Variants in RIMKLA observed in about 807,000 individuals in gnomAD.
RIMKLA encodes the protein ribosomal modification protein rimK like family member A.
Under a neutral mutation model 32.7 loss-of-function variants are expected in RIMKLA, and 14 were observed. The ratio of observed to expected loss-of-function variants is 0.43; its 90% CI spans 0.28 to 0.67. The LOEUF (loss-of-function observed/expected upper bound fraction) is 0.67. Ranked by LOEUF, RIMKLA falls within the 30% of genes least tolerant of loss-of-function variation. RIMKLA has a pLI of 0.18. For synonymous variants in RIMKLA, 176 were observed against 204.1 expected, an observed-to-expected ratio of 0.86 and a Z score of 1.18; for missense variants, 410 against 519.0, an observed-to-expected ratio of 0.79 and a Z score of 2.04.
At chr1:42,407,213 G>A (rs1182505738) in intron 3 of RIMKLA, among the ~76,000 whole-genome samples, 3 of 152,150 alleles carry the variant, frequency 2.0e-5, no homozygotes, top group African/African-American at 4.8e-5. Flanking sequence ...GCCGTATAAT[G>A]TAGATTCTAA....
intron 1 of RIMKLA, among the ~76,000 whole-genome samples, chr1:42,391,350 T>C (rs1209069206): frequency 6.6e-6 from 1 of 151,968 alleles, no homozygotes; most frequent in Non-Finnish European, 1.5e-5. Context: ...GAAGGGGTGA[T>C]GTGTTGTGTG....
Position 42,380,998 on chromosome 1 carries a change from A to T in RIMKLA, c.64A>T (p.Ile22Phe), listed in dbSNP as rs1363713685. 1.4e-6 allele frequency: 2 copies of T among 1,443,736 alleles called. No homozygotes were observed. Among genetic ancestry groups the T allele is most frequent in the Admixed American group, 2.6e-5 (1 of 38,952 alleles). 89.4% of individuals were successfully genotyped at this position (1,443,736 alleles called of 1,614,324 possible). A position where few individuals can be genotyped will look rare whatever the true frequency, so the allele number is the denominator to read the frequency against. The change falls in exon 1 of 5, where the codon ATC (isoleucine) becomes TTC (phenylalanine). Residue 22 changes from isoleucine (I) to phenylalanine (F), a missense_variant. By Grantham distance (21) the Ile-to-Phe change is conservative. Transcript: ENST00000431473. ...RIREDYPQVQILRALRQRCSE... is the reference protein window; with the variant it reads ...RIREDYPQVQFLRALRQRCSE... ...CCGCGAGGACTACCCGCAGGTGCAGATCCTGCGCGCCCTCCGGCAGCGCTG... is the reference window on the plus strand; with the variant it reads ...CCGCGAGGACTACCCGCAGGTGCAGTTCCTGCGCGCCCTCCGGCAGCGCTG...
intron 1 of RIMKLA, among the ~76,000 whole-genome samples, chr1:42,385,853 T>C (rs779054362): frequency 0.02 from 785 of 38,598 alleles, 51 homozygotes; most frequent in Middle Eastern, 0.032. Flanking sequence ...TCTCTTTCTT[T>C]CTTTCTTTCT....
intron 1 of RIMKLA, among the ~76,000 whole-genome samples, chr1:42,399,116 A>T (rs1398886876): frequency 1.3e-5 from 2 of 151,980 alleles, no homozygotes; most frequent in African/African-American, 4.8e-5. Context: ...TACTTGTCCT[A>T]TGGGAAGGAA....
intron 1 of RIMKLA, among the ~76,000 whole-genome samples, chr1:42,381,892 G>T (rs1642892631): frequency 6.6e-6 from 1 of 152,180 alleles, no homozygotes; most frequent in African/African-American, 2.4e-5. Flanking sequence ...AAACCCTCTG[G>T]CTTGCTGTTT....
chr1:42,385,606 G>A (rs146573658), intron 1 of RIMKLA, among the ~76,000 whole-genome samples: 1 of 152,040 alleles, frequency 6.6e-6, no homozygotes, highest in Non-Finnish European at 1.5e-5. Context: ...GTTTCTAACA[G>A]GAGTTTTTAT....
chr1:42,387,526 T>C (rs932757239), intron 1 of RIMKLA, among the ~76,000 whole-genome samples: 9 of 152,264 alleles, frequency 5.9e-5, no homozygotes, highest in Non-Finnish European at 1.0e-4. Flanking sequence ...TAGTATACTT[T>C]ATGTGTCTTA....
Position 42,417,320 on chromosome 1 carries a change from ACAGCT to A in RIMKLA, c.*2347_*2351del, listed in dbSNP as rs1256873498. ...GTCTAGAAGTGGAGAAAGCTGGATC[ACAGCT>A]GGACCACAACCAGCCCCAATCCAGG... On this transcript the variant is annotated 3_prime_UTR_variant, in exon 5 of 5. Transcript: ENST00000431473. The A allele has an allele frequency of 1.3e-5, 2 of 152,288 alleles. No individual in the cohort carries two copies. The highest frequency in any genetic ancestry group is 4.8e-5 in the African/African-American group (2 of 41,476). 9.4% of individuals were successfully genotyped at this position (152,288 alleles called of 1,614,324 possible). A position where few individuals can be genotyped will look rare whatever the true frequency, so the allele number is the denominator to read the frequency against.
intron 1 of RIMKLA, among the ~76,000 whole-genome samples, chr1:42,392,587 C>T (rs923651943): frequency 6.6e-6 from 1 of 152,138 alleles, no homozygotes; most frequent in African/African-American, 2.4e-5. Context: ...CCACGTTGCC[C>T]ACACATGTAT....
At chr1:42,408,223 C>G (rs1350831711) in intron 3 of RIMKLA, among the ~76,000 whole-genome samples, 6 of 152,148 alleles carry the variant, frequency 3.9e-5, no homozygotes, top group African/African-American at 1.4e-4. Context: ...TATCCAGCTT[C>G]CCTGACATTG....
chr1:42,393,215 C>CT (rs59632160), intron 1 of RIMKLA, among the ~76,000 whole-genome samples: 94,515 of 152,004 alleles, frequency 0.62, 29,877 homozygotes, highest in African/African-American at 0.7. Context: ...CACTTAAATC[C>CT]TGTCTGAGTG....
chr1:42,406,984 C>T (rs1440197435), intron 3 of RIMKLA, among the ~76,000 whole-genome samples: 1 of 151,792 alleles, frequency 6.6e-6, no homozygotes, highest in Non-Finnish European at 1.5e-5. Flanking sequence ...TGTCTCACTG[C>T]AGCCTCTGCA....
chr1:42,390,744 G>T (rs2148385636), intron 1 of RIMKLA, among the ~76,000 whole-genome samples: 1 of 152,290 alleles, frequency 6.6e-6, no homozygotes, highest in African/African-American at 2.4e-5. Flanking sequence ...AGGGACTAGG[G>T]ACATATAATG....
intron 1 of RIMKLA, among the ~76,000 whole-genome samples, chr1:42,392,486 C>T (rs1005031319): frequency 2.6e-5 from 4 of 152,156 alleles, no homozygotes; most frequent in Non-Finnish European, 5.9e-5. Context: ...CCCTGTCAGT[C>T]CCTTTGGCTT....
chr1:42,385,895 T>TTTCC lies in RIMKLA; in HGVS notation c.163+4802_163+4805dup, dbSNP rs569660150. ...CTTTCTTTCTTTCTTTCTTTCTTTC[T>TTTCC]TTCCTTCTTTCCTTCTTTCCTTCTT... On this transcript the variant is annotated intron_variant, in intron 1 of 4. Coordinates refer to ENST00000431473, the MANE Select transcript of RIMKLA (RefSeq NM_173642.4). 1.4e-4 allele frequency among the ~76,000 whole-genome samples: 13 copies of TTTCC among 94,046 alleles called. 1 individual carries two copies. In the East Asian group the frequency reaches 2.8e-3, roughly 20 times the overall value. The allele number at this position is 94,046 out of a possible 152,430, so 61.7% of individuals were successfully genotyped here. A position where few individuals can be genotyped will look rare whatever the true frequency, so the allele number is the denominator to read the frequency against.
At chr1:42,403,421 A>G (rs74068418) in intron 2 of RIMKLA, among the ~76,000 whole-genome samples, 2,374 of 152,304 alleles carry the variant, frequency 0.016, 59 homozygotes, top group African/African-American at 0.055. Flanking sequence ...CCCTTGGGGC[A>G]TTACGGTGCA....
At chr1:42,411,948 G>T (rs1047654025) in intron 4 of RIMKLA, among the ~76,000 whole-genome samples, 1 of 152,180 alleles carries the variant, frequency 6.6e-6, no homozygotes, top group Non-Finnish European at 1.5e-5. Flanking sequence ...GGGATTACAG[G>T]TGTCAGCCAC....
chr1:42,384,586 T>C (rs1642920407), intron 1 of RIMKLA, among the ~76,000 whole-genome samples: 1 of 138,108 alleles, frequency 7.2e-6, no homozygotes, highest in Non-Finnish European at 1.5e-5. Context: ...TATATATGTG[T>C]GTATATATGT....
At chr1:42,388,980 AG>A (rs1325653169) in intron 1 of RIMKLA, among the ~76,000 whole-genome samples, 1 of 152,192 alleles carries the variant, frequency 6.6e-6, no homozygotes, top group Non-Finnish European at 1.5e-5. Context: ...TTGTTGGGCT[AG>A]AATGATTTCA....
Sources: allele counts gnomAD v4.1 joint callset (sites outside exome capture counted in the v4.1 genomes callset), GRCh38; gene constraint gnomAD v4.1.1; transcripts MANE v1.5; gene names NCBI Gene and HGNC (gene_info 2026-07-23, HGNC 2026-07-21).